FAM20A: variants seen among roughly 807,000 people sequenced by gnomAD.
FAM20A encodes FAM20A golgi associated secretory pathway pseudokinase.
FAM20A carries 42 observed loss-of-function variants against 52.0 expected under a neutral mutation model. The observed-to-expected ratio is 0.81, with a 90% CI of 0.63 to 1.04. The LOEUF (loss-of-function observed/expected upper bound fraction) is 1.04, where lower values mean the gene tolerates loss of function less well. FAM20A is among the 50% of genes least tolerant of loss of function. The pLI, the probability that FAM20A is intolerant of heterozygous loss-of-function variation, is 0.00. For missense variants in FAM20A, 742 were observed against 712.7 expected (o/e 1.04, Z -0.47); for synonymous variants, 304 against 298.9 (o/e 1.02, Z -0.18).
chr17:68,572,759 T>G (rs895242974), intron 1 of FAM20A, among the ~76,000 whole-genome samples: 7 of 152,234 alleles, frequency 4.6e-5, no homozygotes, highest in African/African-American at 1.2e-4. Flanking sequence ...TATTTATTTT[T>G]GTTTTAAGAA....
intron 1 of FAM20A, among the ~76,000 whole-genome samples, chr17:68,599,778 G>A (rs1345750019): frequency 6.6e-6 from 1 of 152,184 alleles, no homozygotes; most frequent in African/African-American, 2.4e-5. Flanking sequence ...GGAGAAACAT[G>A]CTTTCTGGAA....
Position 68,537,802 on chromosome 17 carries a change from C to A in FAM20A, c.1362-61G>T. On this transcript the variant is annotated intron_variant, in intron 10 of 10. Coordinates refer to ENST00000592554, the MANE Select transcript of FAM20A (RefSeq NM_017565.4). The surrounding 1 kb of genome is among the most constrained non-coding windows in gnomAD (Gnocchi z 4.2). ...ATGTAAAGAAAATAACTTGCCTGAA[C>A]TTCTTTCCCCACAAACAGCTGTTGT... 6.5e-7 allele frequency: 1 copy of A among 1,543,104 alleles called. No individual in the cohort carries two copies. Among genetic ancestry groups the A allele is most frequent in the East Asian group, 2.4e-5 (1 of 41,488 alleles).
chr17:68,599,945 G>GGGAGTGGACGAGGGAGCA (rs2088563915), intron 1 of FAM20A, among the ~76,000 whole-genome samples: 1 of 152,116 alleles, frequency 6.6e-6, no homozygotes, highest in Non-Finnish European at 1.5e-5. Context: ...ACGAGGGAGC[G>GGGAGTGGACGAGGGAGCA]GGAGTGGACG....
rs1330653519 is a variant in FAM20A, at chr17:68,536,452, A to AC, written c.*1024dup. 2.2e-6 allele frequency: 1 copy of AC among 454,134 alleles called. No homozygotes were observed. The highest frequency in any genetic ancestry group is 1.6e-5 in the South Asian group (1 of 64,478). The allele number at this position is 454,134 out of a possible 1,614,324, so 28.1% of individuals were successfully genotyped here. A position where few individuals can be genotyped will look rare whatever the true frequency, so the allele number is the denominator to read the frequency against. On this transcript the variant is annotated 3_prime_UTR_variant, in exon 11 of 11. Coordinates refer to ENST00000592554, the MANE Select transcript of FAM20A (RefSeq NM_017565.4). ...ACAAGTCAGGGAGAAGGTAGAGGAG[A>AC]CAAGGAATCCCTACTACACTTTCTT... is the stretch of plus-strand genomic sequence containing the variant.
chr17:68,575,760 T>G lies in FAM20A; in HGVS notation c.405-20017A>C, dbSNP rs866438287. On this transcript the variant is annotated intron_variant, in intron 1 of 10. Coordinates refer to ENST00000592554, the MANE Select transcript of FAM20A (RefSeq NM_017565.4). ...ATATATTTTATATATTATATATATT[T>G]TATATTTTATATATTGTATATTTTA... Among the ~76,000 whole-genome samples, 51 of 119,450 alleles carry G rather than the reference T, an allele frequency of 4.3e-4. No individual in the cohort carries two copies. In the Middle Eastern group the frequency reaches 0.015, roughly 36 times the overall value. 78.4% of individuals were successfully genotyped at this position (119,450 alleles called of 152,430 possible).
chr17:68,598,808 G>T (rs1328318523), intron 1 of FAM20A, among the ~76,000 whole-genome samples: 4 of 152,178 alleles, frequency 2.6e-5, no homozygotes, highest in African/African-American at 4.8e-5. Context: ...ATTTACAAAA[G>T]CAAGTGACTT....
chr17:68,553,817 CATTT>C (rs780864476), intron 3 of FAM20A, among the ~76,000 whole-genome samples: 46 of 149,460 alleles, frequency 3.1e-4, no homozygotes, highest in African/African-American at 9.8e-4. Flanking sequence ...TATATACACA[CATTT>C]ATGCATATAT....
intron 1 of FAM20A, among the ~76,000 whole-genome samples, chr17:68,575,486 T>G (rs1490594249): frequency 2.5e-4 from 25 of 98,320 alleles, no homozygotes; most frequent in South Asian, 1.6e-3. Context: ...TTATATATTA[T>G]ATATTATAGA....
intron 8 of FAM20A, chr17:68,540,636 A>T: frequency 1.5e-6 from 1 of 668,870 alleles, no homozygotes; most frequent in Non-Finnish European, 2.7e-6. Flanking sequence ...CTGCCTTATG[A>T]GTGACGACCC....
At position 68,570,838 on chromosome 17, in the gene FAM20A, A is replaced by AT. The variant is rs1414346070; in HGVS notation, c.405-15096dup. 1.2e-4 allele frequency among the ~76,000 whole-genome samples: 19 copies of AT among 152,352 alleles called. No individual in the cohort carries two copies. In the South Asian group the frequency reaches 2.5e-3, roughly 20 times the overall value. ...TAAATTCACTGGTTACTAAGCTATT[A>AT]TGAGAAATGGCACTCTTTCTGTTTT... On this transcript the variant is annotated intron_variant, in intron 1 of 10. Coordinates refer to ENST00000592554, the MANE Select transcript of FAM20A (RefSeq NM_017565.4).
At position 68,600,771 on chromosome 17, in the gene FAM20A, G is replaced by T. The variant is rs935966892; in HGVS notation, c.-105C>A. Reference sequence around the variant, plus strand: ...AGAGGTGCCTGGAGTCCCGCGGGTGGGCCGGGGTCAGTGAGACCGGAATGC... The same window carrying T: ...AGAGGTGCCTGGAGTCCCGCGGGTGTGCCGGGGTCAGTGAGACCGGAATGC... On this transcript the variant is annotated 5_prime_UTR_variant, in exon 1 of 11. Transcript: ENST00000592554. The surrounding 1 kb of genome is among the most constrained non-coding windows in gnomAD (Gnocchi z 6.2). 3.8e-6 allele frequency: 5 copies of T among 1,321,988 alleles called. No homozygotes were observed. The Admixed American group carries it at 7.2e-5, about 19-fold the overall frequency. 81.9% of individuals were successfully genotyped at this position (1,321,988 alleles called of 1,614,324 possible).
intron 1 of FAM20A, among the ~76,000 whole-genome samples, chr17:68,580,282 C>G (rs983482601): frequency 1.3e-5 from 2 of 152,210 alleles, no homozygotes; most frequent in Non-Finnish European, 2.9e-5. Context: ...GGGGGAGACA[C>G]AGAACCTGAT....
intron 1 of FAM20A, among the ~76,000 whole-genome samples, chr17:68,592,274 TATGA>T (rs2088335010): frequency 6.6e-6 from 1 of 152,156 alleles, no homozygotes; most frequent in Non-Finnish European, 1.5e-5. Flanking sequence ...ATGAGTTAAC[TATGA>T]ATGGGGTTAA....
intron 4 of FAM20A, among the ~76,000 whole-genome samples, chr17:68,550,600 C>T (rs755876453): frequency 6.6e-6 from 1 of 151,944 alleles, no homozygotes; most frequent in Non-Finnish European, 1.5e-5. Context: ...AGGCTGGTCT[C>T]GAACTCCTGA....
chr17:68,551,491 G>C (rs1231998403), intron 4 of FAM20A, among the ~76,000 whole-genome samples: 3 of 152,052 alleles, frequency 2.0e-5, no homozygotes, highest in Non-Finnish European at 4.4e-5. Context: ...GCCTGGGTTT[G>C]AATCCTGGGT....
chr17:68,562,525 A>T (rs1436226392), intron 1 of FAM20A, among the ~76,000 whole-genome samples: 3 of 152,172 alleles, frequency 2.0e-5, no homozygotes, highest in African/African-American at 7.2e-5. Context: ...CTGTAATTGT[A>T]CAATTAAACA....
chr17:68,549,773 TGAGCATTGTGCCAAA>T lies in FAM20A; in HGVS notation c.719+2085_719+2099del, dbSNP rs566797750. On this transcript the variant is annotated intron_variant, in intron 4 of 10. Coordinates refer to ENST00000592554, the MANE Select transcript of FAM20A (RefSeq NM_017565.4). ...CTCACTGGTGACTCTTGTGTTCAGC[TGAGCATTGTGCCAAA>T]GAGTCACATGTCTACTTGTGGAACC... Among the ~76,000 whole-genome samples, 605 of 152,370 alleles carry T rather than the reference TGAGCATTGTGCCAAA, an allele frequency of 4.0e-3. 10 individuals are homozygous for T. Among genetic ancestry groups the T allele is most frequent in the African/African-American group, 0.014 (593 of 41,592 alleles).
intron 1 of FAM20A, among the ~76,000 whole-genome samples, chr17:68,588,551 G>A (rs896475619): frequency 6.6e-6 from 1 of 152,234 alleles, no homozygotes; most frequent in Non-Finnish European, 1.5e-5. Flanking sequence ...GTCCAAGTTC[G>A]TGGTGTCAGC....
chr17:68,571,522 A>G (rs1167518020), intron 1 of FAM20A, among the ~76,000 whole-genome samples: 1 of 152,168 alleles, frequency 6.6e-6, no homozygotes, highest in Non-Finnish European at 1.5e-5. Flanking sequence ...TACATTTCCA[A>G]GAGCACTCTG....
Sources: gnomAD v4.1 joint callset for allele counts (sites outside exome capture counted in the v4.1 genomes callset) on GRCh38, gnomAD v4.1.1 for gene constraint, Gnocchi (gnomAD v3.1) non-coding constraint, MANE v1.5 for transcripts, NCBI Gene and HGNC (gene_info 2026-07-23, HGNC 2026-07-21) for gene names.